The following VWA8 variants were observed in gnomAD, a reference collection of about 807,000 sequenced individuals.
VWA8 encodes von Willebrand factor A domain-containing protein 8.
In VWA8, 221 loss-of-function variants were observed where a neutral mutation model predicts 241.5. That is an observed-to-expected ratio of 0.91 (90% CI 0.82 to 1.02). The LOEUF is 1.02. Among genes scored for constraint, VWA8 ranks in the 50% least tolerant of loss-of-function variants. VWA8 has a pLI of 0.00. For missense variants in VWA8, 2,322 were observed against 2,328.7 expected, an observed-to-expected ratio of 1.00 and a Z score of 0.06; for synonymous variants, 852 against 827.1, an observed-to-expected ratio of 1.03 and a Z score of -0.52.
intron 14 of VWA8, among the ~76,000 whole-genome samples, chr13:41,825,172 T>C (rs921262687): frequency 2.0e-5 from 3 of 152,242 alleles, no homozygotes; most frequent in African/African-American, 7.2e-5. Flanking sequence ...ACACCACAGA[T>C]GGCAACAAGT....
rs1353693244 is a variant in VWA8, at chr13:41,567,116, C to G, written c.*1081G>C. On this transcript the variant is annotated 3_prime_UTR_variant, in exon 45 of 45. Coordinates refer to ENST00000379310, the MANE Select transcript of VWA8 (RefSeq NM_015058.2). ...AATTATATGGTTAAAGAGAGAATGA[C>G]TTTTGCTGAAGCATCTTATTTTAAA... The G allele has an allele frequency of 6.6e-6, 1 of 152,062 alleles. No homozygotes were observed. The highest frequency in any genetic ancestry group is 1.9e-4 in the East Asian group (1 of 5,190). 9.4% of individuals were successfully genotyped at this position (152,062 alleles called of 1,614,324 possible). A position where few individuals can be genotyped will look rare whatever the true frequency, so the allele number is the denominator to read the frequency against.
intron 9 of VWA8, among the ~76,000 whole-genome samples, chr13:41,869,110 A>G (rs1873462427): frequency 6.6e-6 from 1 of 152,122 alleles, no homozygotes; most frequent in Non-Finnish European, 1.5e-5. Context: ...TCCTAGAAGG[A>G]GATGATGAGA....
intron 4 of VWA8, among the ~76,000 whole-genome samples, chr13:41,897,707 T>C (rs1055096071): frequency 3.9e-5 from 6 of 152,080 alleles, no homozygotes; most frequent in Admixed American, 6.5e-5. Context: ...TCTCGCTGGC[T>C]TCAGGAGTGA....
intron 21 of VWA8, among the ~76,000 whole-genome samples, chr13:41,750,461 A>AC (rs1322065825): frequency 1.5e-5 from 2 of 129,758 alleles, no homozygotes; most frequent in East Asian, 2.2e-4. Context: ...AACAACAACA[A>AC]AACAAAAACA....
chr13:41,729,584 T>C lies in VWA8; in HGVS notation c.2596A>G (p.Asn866Asp). ...CCATCTGCTAGAATCATTTCTCCAT[T>C]TTCTACTAGAGTTTTTAAAATACAC... is the stretch of plus-strand genomic sequence containing the variant. ...VTCILKTLVE[N>D]GEMILADGRR... Residue 866 changes from asparagine (N) to aspartate (D), a missense_variant, in exon 23 of 45, where the codon AAT becomes GAT. Coordinates refer to ENST00000379310, the MANE Select transcript of VWA8 (RefSeq NM_015058.2). The C allele has an allele frequency of 6.2e-7, 1 of 1,612,874 alleles. No individual in the cohort carries two copies. Among genetic ancestry groups the C allele is most frequent in the Non-Finnish European group, 8.5e-7 (1 of 1,179,392 alleles).
rs149085416 is a variant in VWA8, at chr13:41,739,383, G to C, written c.2427-7228C>G. On this transcript the variant is annotated intron_variant, in intron 21 of 44. Transcript: ENST00000379310. ...GTCACGCTCTCTAGGAAGTTGGTTA[G>C]GTATGTCTCTTTTGGTTAATAACCC... Among the ~76,000 whole-genome samples the C allele has an allele frequency of 2.8e-3, 421 of 152,228 alleles. 2 individuals carry two copies. Among genetic ancestry groups the C allele is most frequent in the Non-Finnish European group, 4.1e-3 (282 of 68,000 alleles).
chr13:41,777,610 T>C (rs182381359), intron 20 of VWA8, among the ~76,000 whole-genome samples: 3 of 152,264 alleles, frequency 2.0e-5, no homozygotes, highest in African/African-American at 4.8e-5. Flanking sequence ...GTTTTACAAG[T>C]ATCAATCTGA....
chr13:41,668,967 CTTTAT>C (rs1431973006), intron 37 of VWA8, among the ~76,000 whole-genome samples: 2 of 151,854 alleles, frequency 1.3e-5, no homozygotes, highest in East Asian at 3.9e-4. Flanking sequence ...AATAGCTGAG[CTTTAT>C]TTTATTTTTT....
intron 20 of VWA8, among the ~76,000 whole-genome samples, chr13:41,769,258 T>G (rs1039945757): frequency 5.3e-5 from 8 of 152,212 alleles, no homozygotes; most frequent in African/African-American, 1.9e-4. Flanking sequence ...CATCAGATCA[T>G]ATGAAGGGAT....
intron 22 of VWA8, 124 bp downstream of exon 22, chr13:41,731,956 G>A: frequency 1.3e-6 from 1 of 749,090 alleles, no homozygotes; most frequent in Non-Finnish European, 2.1e-6. Flanking sequence ...TCTCAGGTAT[G>A]TCTTTATAAG....
chr13:41,872,152 T>G (rs1002758265), intron 9 of VWA8, among the ~76,000 whole-genome samples: 1 of 150,754 alleles, frequency 6.6e-6, no homozygotes, highest in African/African-American at 2.5e-5. Context: ...TTGATGGGGT[T>G]GTTTGTTTTT....
intron 29 of VWA8, among the ~76,000 whole-genome samples, chr13:41,695,093 T>C (rs1164858747): frequency 1.3e-5 from 2 of 152,188 alleles, no homozygotes; most frequent in Non-Finnish European, 2.9e-5. Context: ...CATGTAACTG[T>C]GGCTTTGGCA....
intron 21 of VWA8, among the ~76,000 whole-genome samples, chr13:41,741,758 T>A (rs2045571230): frequency 6.6e-6 from 1 of 152,150 alleles, no homozygotes; most frequent in African/African-American, 2.4e-5. Flanking sequence ...GGCATGAAGG[T>A]TTATAAAATG....
intron 2 of VWA8, among the ~76,000 whole-genome samples, chr13:41,928,204 A>G (rs1033757027): frequency 6.6e-6 from 1 of 152,312 alleles, no homozygotes; most frequent in Non-Finnish European, 1.5e-5. Context: ...CCAGACAGAA[A>G]ATTGATAAGG....
intron 21 of VWA8, among the ~76,000 whole-genome samples, chr13:41,739,747 A>G (rs2045551946): frequency 6.6e-6 from 1 of 152,138 alleles, no homozygotes; most frequent in African/African-American, 2.4e-5. Context: ...TAGGAAAAAC[A>G]ATATATTCTG....
chr13:41,706,651 G>T (rs535692753), intron 26 of VWA8, among the ~76,000 whole-genome samples: 1 of 152,316 alleles, frequency 6.6e-6, no homozygotes, highest in Admixed American at 6.5e-5. Context: ...TTCGGTAAAT[G>T]AGCAAGCTTT....
At chr13:41,931,551 T>C (rs1352977284) in intron 2 of VWA8, among the ~76,000 whole-genome samples, 1 of 152,080 alleles carries the variant, frequency 6.6e-6, no homozygotes, top group Admixed American at 6.5e-5. Flanking sequence ...AAATTCCTCC[T>C]AAATGAGTAG....
At chr13:41,704,266 A>T (rs1352869335) in intron 26 of VWA8, among the ~76,000 whole-genome samples, 1 of 152,218 alleles carries the variant, frequency 6.6e-6, no homozygotes, top group Non-Finnish European at 1.5e-5. Flanking sequence ...GAGGTAGAGC[A>T]TTACTGGCAT....
At chr13:41,886,868 G>C in intron 6 of VWA8, 38 bp from the exon 7 acceptor site, 1 of 1,440,234 alleles carries the variant, frequency 6.9e-7, no homozygotes, top group Non-Finnish European at 9.5e-7. Flanking sequence ...TAATTAACAA[G>C]AAATGTAACA....
Sources: allele counts gnomAD v4.1 joint callset (sites outside exome capture counted in the v4.1 genomes callset), GRCh38; gene constraint gnomAD v4.1.1; transcripts MANE v1.5; gene names NCBI Gene and HGNC (gene_info 2026-07-23, HGNC 2026-07-21).